Variants in CRX observed in about 807,000 individuals in gnomAD.
CRX encodes cone-rod homeobox.
In CRX, 5 loss-of-function variants were observed where a neutral mutation model predicts 13.1. That is an observed-to-expected ratio of 0.38 (90% CI 0.20 to 0.80). CRX has a LOEUF of 0.80. CRX is among the 30% of genes least tolerant of loss of function. CRX has a pLI of 0.43. For missense variants in CRX, 351 were observed against 391.8 expected (o/e 0.90, Z 0.88); for synonymous variants, 179 against 171.1 (o/e 1.05, Z -0.36).
At chr19:47,824,618 C>T (rs1479119404) in intron 1 of CRX, among the ~76,000 whole-genome samples, 1 of 152,086 alleles carries the variant, frequency 6.6e-6, no homozygotes, top group Non-Finnish European at 1.5e-5. Context: ...CTGTGGGCAC[C>T]TCCCTCCCTC....
intron 3 of CRX, among the ~76,000 whole-genome samples, chr19:47,837,012 CTG>C (rs144706686): frequency 0.016 from 2,419 of 151,976 alleles, 80 homozygotes; most frequent in African/African-American, 0.056. Flanking sequence ...ATATGAGTGT[CTG>C]TGTGTATGAT....
chr19:47,824,243 G>A (rs983271717), intron 1 of CRX, among the ~76,000 whole-genome samples: 2 of 152,148 alleles, frequency 1.3e-5, no homozygotes, highest in African/African-American at 4.8e-5. Context: ...GTGTGACCTC[G>A]GGAATTGACG....
intron 2 of CRX, among the ~76,000 whole-genome samples, chr19:47,834,969 G>T (rs1968098087): frequency 6.7e-6 from 1 of 150,250 alleles, no homozygotes; most frequent in African/African-American, 2.5e-5. Flanking sequence ...GTGAGCCATT[G>T]TGCCTAGGCC....
rs1968176940 is a variant in CRX, at chr19:47,840,108, C to T, written c.*141C>T. On this transcript the variant is annotated 3_prime_UTR_variant, in exon 4 of 4. Transcript: ENST00000221996. ...GTCCTTCTGACAGCTCGGTGTTCAG[C>T]TTACAGAGACCACCCCTTTCCTCCA... 3 of 925,142 alleles carry T rather than the reference C, an allele frequency of 3.2e-6. No individual in the cohort carries two copies. The highest frequency in any genetic ancestry group is 2.6e-5 in the East Asian group (1 of 38,262). 57.3% of individuals were successfully genotyped at this position (925,142 alleles called of 1,614,324 possible).
rs903356078 is a variant in CRX, at chr19:47,841,230, A to G, written c.*1263A>G. ...AAGATCTACATTCATATATGTAGCT[A>G]TACATATATGTACTTTTTCTTCTTA... On this transcript the variant is annotated 3_prime_UTR_variant, in exon 4 of 4. Transcript: ENST00000221996. 1 of 152,208 alleles carries G rather than the reference A, an allele frequency of 6.6e-6. No homozygotes were observed. The highest frequency in any genetic ancestry group is 2.4e-5 in the African/African-American group (1 of 41,446). 9.4% of individuals were successfully genotyped at this position (152,208 alleles called of 1,614,324 possible).
chr19:47,842,246 CA>C lies in CRX; in HGVS notation c.*2280del, dbSNP rs747815600. The C allele has an allele frequency of 2.0e-5, 3 of 152,272 alleles. No homozygotes were observed. Among genetic ancestry groups the C allele is most frequent in the Non-Finnish European group, 4.4e-5 (3 of 68,108 alleles). 9.4% of individuals were successfully genotyped at this position (152,272 alleles called of 1,614,324 possible). ...GTTTTTATTCAACATAAAACGTGTT[CA>C]TCTCTCATAGGCCTGAGTCATGCTG... is the stretch of plus-strand genomic sequence containing the variant. On this transcript the variant is annotated 3_prime_UTR_variant, in exon 4 of 4. Coordinates refer to ENST00000221996, the MANE Select transcript of CRX (RefSeq NM_000554.6).
At position 47,822,592 on chromosome 19, in the gene CRX, G is replaced by A. The variant is rs369417127; in HGVS notation, c.-36+582G>A. 2.9e-3 allele frequency among the ~76,000 whole-genome samples: 444 copies of A among 152,244 alleles called. 4 individuals are homozygous for A. The highest frequency in any genetic ancestry group is 5.4e-3 in the Non-Finnish European group (370 of 68,004). On this transcript the variant is annotated intron_variant, in intron 1 of 3. Coordinates refer to ENST00000221996, the MANE Select transcript of CRX (RefSeq NM_000554.6). ...CTGTGGCTGCAACAGGAAGAACTCCGGGTGGACTTGGGCCTGCCCGAGAGA... is the reference window on the plus strand; with the variant it reads ...CTGTGGCTGCAACAGGAAGAACTCCAGGTGGACTTGGGCCTGCCCGAGAGA...
intron 1 of CRX, among the ~76,000 whole-genome samples, chr19:47,822,765 C>T (rs1568620166): frequency 6.6e-6 from 1 of 152,098 alleles, no homozygotes. Context: ...CCAGCACAGT[C>T]ACTCTCTCTG....
intron 3 of CRX, among the ~76,000 whole-genome samples, chr19:47,838,485 G>C (rs968417917): frequency 6.6e-6 from 1 of 152,084 alleles, no homozygotes. Flanking sequence ...TGTATGATCA[G>C]ATGGATGGAT....
At chr19:47,822,130 T>G (rs1197241730) in intron 1 of CRX, 120 bp downstream of exon 1, 1 of 152,512 alleles carries the variant, frequency 6.6e-6, no homozygotes, top group East Asian at 1.9e-4. Context: ...GTTTGCTGAA[T>G]AGTCACACAC....
At chr19:47,837,168 G>C (rs12985824) in intron 3 of CRX, among the ~76,000 whole-genome samples, 25,148 of 151,988 alleles carry the variant, frequency 0.17, 2,435 homozygotes, top group Non-Finnish European at 0.22. Flanking sequence ...TGGATGGATG[G>C]GTATATTTAT....
At position 47,836,108 on chromosome 19, in the gene CRX, G is replaced by T. The variant is rs990476840; in HGVS notation, c.101-135G>T. On this transcript the variant is annotated intron_variant, in intron 2 of 3. Coordinates refer to ENST00000221996, the MANE Select transcript of CRX (RefSeq NM_000554.6). ...CAGGCACACAGTGAGGTGTAGAAGG[G>T]CAGGGAATGTGTATTCCATCCTTAG... 2.1e-5 allele frequency: 23 copies of T among 1,106,976 alleles called. No individual in the cohort carries two copies. The Admixed American group carries it at 3.2e-4, about 15-fold the overall frequency. 68.6% of individuals were successfully genotyped at this position (1,106,976 alleles called of 1,614,324 possible).
At position 47,828,154 on chromosome 19, in the gene CRX, C is replaced by CA. The variant is rs1231419266; in HGVS notation, c.-36+6156dup. 4.3e-3 allele frequency among the ~76,000 whole-genome samples: 621 copies of CA among 144,284 alleles called. 3 individuals carry two copies. Among genetic ancestry groups the CA allele is most frequent in the African/African-American group, 0.014 (533 of 39,368 alleles). 94.7% of individuals were successfully genotyped at this position (144,284 alleles called of 152,430 possible). On this transcript the variant is annotated intron_variant, in intron 1 of 3. Coordinates refer to ENST00000221996, the MANE Select transcript of CRX (RefSeq NM_000554.6). ...GGGGGACAAGAGTGAGACTTCATCT[C>CA]AAAAAAAAAAAATTTTTTTTTCCTT...
In CRX at chr19:47,839,529, C is replaced by T. The variant is rs2123743108; in HGVS notation, c.462C>T (p.Thr154=). 1 of 1,613,614 alleles carries T rather than the reference C, an allele frequency of 6.2e-7. No homozygotes were observed. Among genetic ancestry groups the T allele is most frequent in the Admixed American group, 1.7e-5 (1 of 59,966 alleles). ...TGCCCGGCCCCTCAGGCTCCCCAAC[C>T]ACGGCAGTGGCCACTGTGTCCATCT... ...PPLPGPSGSP[T]TAVATVSIWS... is the part of the protein sequence containing the mutation. Residue 154 remains threonine (T), a synonymous_variant, in exon 4 of 4, where the codon ACC becomes ACT. Coordinates refer to ENST00000221996, the MANE Select transcript of CRX (RefSeq NM_000554.6). This position sits in a 1 kb window ranked among gnomAD's most constrained non-coding sequence, Gnocchi z 4.6.
intron 1 of CRX, 136 bp from the exon 2 acceptor site, chr19:47,834,273 G>C (rs908183295): frequency 3.0e-6 from 2 of 670,304 alleles, no homozygotes; most frequent in Non-Finnish European, 5.5e-6. Flanking sequence ...AGGACACAGA[G>C]GTACAGAGAG....
intron 1 of CRX, among the ~76,000 whole-genome samples, chr19:47,825,926 A>G (rs1967970016): frequency 6.6e-6 from 1 of 152,120 alleles, no homozygotes; most frequent in South Asian, 2.1e-4. Context: ...TCAAAATAAC[A>G]ACAACAACAA....
At chr19:47,824,163 G>A (rs757705232) in intron 1 of CRX, among the ~76,000 whole-genome samples, 1 of 152,196 alleles carries the variant, frequency 6.6e-6, no homozygotes, top group African/African-American at 2.4e-5. Flanking sequence ...AGGTAGACTT[G>A]GGGGTGAAGA....
chr19:47,826,994 G>C (rs892663030), intron 1 of CRX, among the ~76,000 whole-genome samples: 1 of 152,162 alleles, frequency 6.6e-6, no homozygotes, highest in East Asian at 1.9e-4. Context: ...CCGTGGGATG[G>C]CTTGAGCATC....
At chr19:47,832,054 T>C (rs1361130834) in intron 1 of CRX, among the ~76,000 whole-genome samples, 1 of 148,328 alleles carries the variant, frequency 6.7e-6, no homozygotes, top group East Asian at 2.0e-4. Context: ...AACAATTTTT[T>C]AAAACTATAT....
Sources: allele counts gnomAD v4.1 joint callset (sites outside exome capture counted in the v4.1 genomes callset), GRCh38; gene constraint gnomAD v4.1.1; non-coding constraint Gnocchi (gnomAD v3.1); transcripts MANE v1.5; gene names NCBI Gene and HGNC (gene_info 2026-07-23, HGNC 2026-07-21).